Variants in RAB3IP observed in about 807,000 individuals in gnomAD.
The protein encoded by RAB3IP is RAB3A interacting protein.
RAB3IP carries 36 observed loss-of-function variants against 59.1 expected under a neutral mutation model. The ratio of observed to expected loss-of-function variants is 0.61; its 90% CI spans 0.47 to 0.80. The LOEUF is 0.80. Among genes scored for constraint, RAB3IP ranks in the 30% least tolerant of loss-of-function variants. The pLI, the probability that RAB3IP is intolerant of heterozygous loss-of-function variation, is 0.00. For synonymous variants in RAB3IP, 207 were observed against 191.2 expected (o/e 1.08, Z -0.68); for missense variants, 511 against 536.0 (o/e 0.95, Z 0.46).
intron 1 of RAB3IP, among the ~76,000 whole-genome samples, chr12:69,740,504 A>G (rs1212305269): frequency 6.6e-6 from 1 of 152,234 alleles, no homozygotes; most frequent in Non-Finnish European, 1.5e-5. Context: ...GTTACATATT[A>G]ATGTATACCT....
Position 69,812,692 on chromosome 12 carries a change from C to T in RAB3IP, c.1131-86C>T, listed in dbSNP as rs1880619172. On this transcript the variant is annotated intron_variant, in intron 8 of 10. Transcript: ENST00000247833. ...CAGTAGGTTCTCAAATATTTGTTAT[C>T]TAACTGAATGAATAGGCAACTTGTA... is the stretch of plus-strand genomic sequence containing the variant. The T allele has an allele frequency of 6.0e-6, 5 of 837,348 alleles. No homozygotes were observed. In the South Asian group the frequency reaches 8.5e-5, roughly 14 times the overall value. 51.9% of individuals were successfully genotyped at this position (837,348 alleles called of 1,614,324 possible).
At chr12:69,783,164 T>G (rs1875033432) in intron 3 of RAB3IP, among the ~76,000 whole-genome samples, 2 of 152,230 alleles carry the variant, frequency 1.3e-5, no homozygotes, top group Admixed American at 6.5e-5. Flanking sequence ...AGGAAGAGAT[T>G]CCTATGAAAG....
intron 3 of RAB3IP, among the ~76,000 whole-genome samples, chr12:69,756,987 T>C (rs1427554823): frequency 1.3e-5 from 2 of 152,242 alleles, no homozygotes; most frequent in Admixed American, 1.3e-4. Flanking sequence ...TCCTTCTTAC[T>C]ACATGGCTGA....
intron 3 of RAB3IP, among the ~76,000 whole-genome samples, chr12:69,780,899 ATAC>A (rs1045064443): frequency 4.0e-5 from 6 of 151,886 alleles, no homozygotes; most frequent in Admixed American, 1.3e-4. Flanking sequence ...AGTTCTTTAT[ATAC>A]TACCTTTGTT....
rs1031301415 is a variant in RAB3IP, at chr12:69,817,394, A to G, written c.*1948A>G. ...TGAAACATATTTAGAAAATGTGATT[A>G]TCTTCCTGATCCTACTCCCTTTAGG... is the stretch of plus-strand genomic sequence containing the variant. On this transcript the variant is annotated 3_prime_UTR_variant, in exon 11 of 11. Transcript: ENST00000247833. 7 of 152,024 alleles carry G rather than the reference A, an allele frequency of 4.6e-5. No homozygotes were observed. The highest frequency in any genetic ancestry group is 1.7e-4 in the African/African-American group (7 of 41,416). The allele number at this position is 152,024 out of a possible 1,614,324, so 9.4% of individuals were successfully genotyped here. A position where few individuals can be genotyped will look rare whatever the true frequency, so the allele number is the denominator to read the frequency against.
intron 3 of RAB3IP, among the ~76,000 whole-genome samples, chr12:69,758,274 T>C (rs1308358181): frequency 6.6e-6 from 1 of 152,248 alleles, no homozygotes; most frequent in Non-Finnish European, 1.5e-5. Context: ...TTTGTAATTA[T>C]CTCTGTCTTT....
chr12:69,779,544 C>CT (rs544814718), intron 3 of RAB3IP, among the ~76,000 whole-genome samples: 15,948 of 147,668 alleles, frequency 0.11, 1,154 homozygotes, highest in Middle Eastern at 0.18. Context: ...CCTCTTTAGT[C>CT]TTTTTTTTTT....
chr12:69,763,412 G>A (rs184797640), intron 3 of RAB3IP, among the ~76,000 whole-genome samples: 94 of 152,272 alleles, frequency 6.2e-4, no homozygotes, highest in African/African-American at 1.9e-3. Flanking sequence ...AAAATGCCTT[G>A]AGCATGTAAA....
intron 10 of RAB3IP, among the ~76,000 whole-genome samples, chr12:69,814,597 C>G (rs1880907405): frequency 6.6e-6 from 1 of 150,838 alleles, no homozygotes; most frequent in Non-Finnish European, 1.5e-5. Flanking sequence ...CTGTAGCACC[C>G]CCGAGATGGG....
chr12:69,753,341 A>G (rs1869643186), intron 1 of RAB3IP, among the ~76,000 whole-genome samples: 2 of 152,168 alleles, frequency 1.3e-5, no homozygotes, highest in South Asian at 2.1e-4. Context: ...ATGATGTGCT[A>G]TATTGTTTGG....
rs764637923 is a variant in RAB3IP, at chr12:69,817,700, C to G, written c.*2254C>G. ...CACACACACACACTGTGTCCATGAA[C>G]TTGGGAGGATGAGGTGGGAGGATTG... On this transcript the variant is annotated 3_prime_UTR_variant, in exon 11 of 11. Transcript: ENST00000247833. The G allele has an allele frequency of 1.0e-5, 1 of 99,416 alleles. No homozygotes were observed. Among genetic ancestry groups the G allele is most frequent in the Non-Finnish European group, 2.1e-5 (1 of 46,878 alleles). 6.2% of individuals were successfully genotyped at this position (99,416 alleles called of 1,614,324 possible).
chr12:69,758,399 C>G (rs1476096128), intron 3 of RAB3IP, among the ~76,000 whole-genome samples: 1 of 152,004 alleles, frequency 6.6e-6, no homozygotes, highest in Admixed American at 6.6e-5. Flanking sequence ...CCTTTTGTAT[C>G]CTTTCTTTTG....
At chr12:69,764,272 A>G (rs1322667088) in intron 3 of RAB3IP, among the ~76,000 whole-genome samples, 1 of 152,178 alleles carries the variant, frequency 6.6e-6, no homozygotes, top group Admixed American at 6.5e-5. Flanking sequence ...TCTTATGGCA[A>G]AGATTTCTTA....
intron 1 of RAB3IP, among the ~76,000 whole-genome samples, chr12:69,740,034 T>A (rs1172136468): frequency 6.6e-6 from 1 of 152,204 alleles, no homozygotes; most frequent in Non-Finnish European, 1.5e-5. Flanking sequence ...TGTAATCTCT[T>A]GCAGTGGAAT....
chr12:69,793,790 A>G (rs1247116766), intron 4 of RAB3IP, among the ~76,000 whole-genome samples: 1 of 152,192 alleles, frequency 6.6e-6, no homozygotes, highest in African/African-American at 2.4e-5. Context: ...CTGGAGCAGT[A>G]CCTCACAAGG....
At chr12:69,767,789 C>T (rs887224731) in intron 3 of RAB3IP, among the ~76,000 whole-genome samples, 9 of 149,470 alleles carry the variant, frequency 6.0e-5, no homozygotes, top group Admixed American at 4.6e-4. Flanking sequence ...GTGACAGAAC[C>T]TGCCTGCCCC....
Position 69,798,323 on chromosome 12 carries a change from G to T in RAB3IP, c.889-1886G>T, listed in dbSNP as rs1308100226. 1.5e-3 allele frequency among the ~76,000 whole-genome samples: 233 copies of T among 151,636 alleles called. 1 individual carries two copies. The highest frequency in any genetic ancestry group is 7.5e-3 in the Admixed American group (114 of 15,220). ...GTTTTTTGGCTGCATAAATGTCTTC[G>T]TTTGAGAAGTGTCTGTTCATGTCCT... On this transcript the variant is annotated intron_variant, in intron 6 of 10. Coordinates refer to ENST00000247833, the MANE Select transcript of RAB3IP (RefSeq NM_022456.5).
chr12:69,801,482 T>A (rs1878365211), intron 7 of RAB3IP, 127 bp from the exon 8 acceptor site: 1 of 489,032 alleles, frequency 2.0e-6, no homozygotes, highest in African/African-American at 2.0e-5. Flanking sequence ...TTCTTCCTTT[T>A]TCATTTGCTA....
In RAB3IP at chr12:69,801,621, G is replaced by C; in HGVS notation, c.1030G>C (p.Val344Leu). ...CTTTTTTTTTAAGTTGGCTTCAGCT[G>C]TTCTGGAGGCTGTGGAAAACAATAC... The part of the protein sequence containing the change: ...TFSKSELASA[V>L]LEAVENNTLS... The change falls in exon 8 of 11, where the codon GTT (valine) becomes CTT (leucine). Residue 344 changes from valine (V) to leucine (L), a missense_variant. By Grantham distance (32) the Val-to-Leu change is conservative. Coordinates refer to ENST00000247833, the MANE Select transcript of RAB3IP (RefSeq NM_022456.5). The C allele has an allele frequency of 1.2e-6, 2 of 1,609,644 alleles. No homozygotes were observed. The highest frequency in any genetic ancestry group is 1.7e-6 in the Non-Finnish European group (2 of 1,177,096).
Sources: allele counts gnomAD v4.1 joint callset (sites outside exome capture counted in the v4.1 genomes callset), GRCh38; gene constraint gnomAD v4.1.1; transcripts MANE v1.5; gene names NCBI Gene and HGNC (gene_info 2026-07-23, HGNC 2026-07-21).